Variants in CNTN3 observed in about 807,000 individuals in gnomAD.
CNTN3 encodes the protein contactin-3.
A neutral mutation model predicts 119.1 loss-of-function variants in CNTN3; 60 were observed. The ratio of observed to expected loss-of-function variants is 0.50; its 90% CI spans 0.41 to 0.62. The LOEUF (loss-of-function observed/expected upper bound fraction) is 0.62. Among genes scored for constraint, CNTN3 ranks in the 20% least tolerant of loss-of-function variants. The pLI, the probability that CNTN3 is intolerant of heterozygous loss-of-function variation, is 0.00. For synonymous variants in CNTN3, 450 were observed against 438.7 expected, an observed-to-expected ratio of 1.03 and a Z score of -0.32; for missense variants, 1,101 against 1,242.4, an observed-to-expected ratio of 0.89 and a Z score of 1.71.
chr3:74,329,134 T>C (rs1296031353), intron 13 of CNTN3, among the ~76,000 whole-genome samples: 1 of 152,198 alleles, frequency 6.6e-6, no homozygotes, highest in African/African-American at 2.4e-5. Flanking sequence ...TGGCCACTTG[T>C]ATTATCACAC....
intron 5 of CNTN3, among the ~76,000 whole-genome samples, chr3:74,374,116 T>G (rs750787249): frequency 6.6e-6 from 1 of 152,094 alleles, no homozygotes; most frequent in Non-Finnish European, 1.5e-5. Flanking sequence ...ACGGGCAATT[T>G]TGGCTCGGCA....
chr3:74,543,410 G>A (rs995110498), intron 1 of CNTN3, among the ~76,000 whole-genome samples: 15 of 152,024 alleles, frequency 9.9e-5, no homozygotes, highest in African/African-American at 3.6e-4. Context: ...GTGCTAGTTT[G>A]GATACTTATC....
intron 5 of CNTN3, among the ~76,000 whole-genome samples, chr3:74,421,834 C>A (rs1027568362): frequency 6.6e-6 from 1 of 152,106 alleles, no homozygotes; most frequent in Non-Finnish European, 1.5e-5. Context: ...CTGGCTCATA[C>A]CCTCTACTGA....
chr3:74,524,528 A>G (rs1703588048), intron 1 of CNTN3, among the ~76,000 whole-genome samples: 1 of 151,892 alleles, frequency 6.6e-6, no homozygotes, highest in Non-Finnish European at 1.5e-5. Context: ...GAGGAAGAAA[A>G]GAAGAGATGA....
intron 1 of CNTN3, among the ~76,000 whole-genome samples, chr3:74,586,700 T>C (rs144495963): frequency 1.3e-5 from 2 of 152,166 alleles, no homozygotes; most frequent in East Asian, 3.9e-4. Flanking sequence ...ATAAGGCACT[T>C]AGAAAGTACC....
intron 1 of CNTN3, among the ~76,000 whole-genome samples, chr3:74,588,593 T>C (rs1040175994): frequency 6.6e-6 from 1 of 151,964 alleles, no homozygotes; most frequent in Non-Finnish European, 1.5e-5. Flanking sequence ...TTCACAGAAT[T>C]GGAAAAAACT....
intron 4 of CNTN3, among the ~76,000 whole-genome samples, chr3:74,458,765 T>A (rs1315632898): frequency 6.6e-6 from 1 of 152,096 alleles, no homozygotes; most frequent in Non-Finnish European, 1.5e-5. Context: ...AGCTTGATTT[T>A]GTCACTGGTA....
At position 74,449,285 on chromosome 3, in the gene CNTN3, T is replaced by C. The variant is rs141552184; in HGVS notation, c.359-24345A>G. Among the ~76,000 whole-genome samples, 393 of 152,164 alleles carry C rather than the reference T, an allele frequency of 2.6e-3. 4 individuals carry two copies. The highest frequency in any genetic ancestry group is 9.1e-3 in the African/African-American group (379 of 41,556). On this transcript the variant is annotated intron_variant, in intron 4 of 22. Transcript: ENST00000263665. Reference sequence around the variant, plus strand: ...AGAAAAGAAATAAAAATTAAATTAATCATTTTTAGAGGAGGTTCTGAGTCT... The same window carrying C: ...AGAAAAGAAATAAAAATTAAATTAACCATTTTTAGAGGAGGTTCTGAGTCT...
chr3:74,421,406 G>A (rs2106890587), intron 5 of CNTN3, among the ~76,000 whole-genome samples: 1 of 152,212 alleles, frequency 6.6e-6, no homozygotes, highest in South Asian at 2.1e-4. Context: ...CTGAGCTCAA[G>A]CAATCTGCCT....
At chr3:74,545,831 A>G (rs1273298912) in intron 1 of CNTN3, among the ~76,000 whole-genome samples, 1 of 152,190 alleles carries the variant, frequency 6.6e-6, no homozygotes, top group Non-Finnish European at 1.5e-5. Flanking sequence ...CACAATGTCA[A>G]TATGGATGTC....
At position 74,369,299 on chromosome 3, in the gene CNTN3, C is replaced by CTGA; in HGVS notation, c.833_835dup (p.Phe278_Ser279insIle). ...GAAGTTGGGGATTTCAAGCACACCA[C>CTGA]TGAACTTCCTTAATTTAATTTTGCT... is the stretch of plus-strand genomic sequence containing the variant. On this transcript the variant is annotated inframe_insertion, in exon 8 of 23. Coordinates refer to ENST00000263665, the MANE Select transcript of CNTN3 (RefSeq NM_020872.3). 2 of 1,611,176 alleles carry CTGA rather than the reference C, an allele frequency of 1.2e-6. No homozygotes were observed. Among genetic ancestry groups the CTGA allele is most frequent in the Non-Finnish European group, 1.7e-6 (2 of 1,178,630 alleles).
chr3:74,335,282 C>G (rs1703363124), intron 12 of CNTN3, among the ~76,000 whole-genome samples: 1 of 152,060 alleles, frequency 6.6e-6, no homozygotes, highest in African/African-American at 2.4e-5. Context: ...CCAACTTTGA[C>G]TAGAAATTAC....
intron 1 of CNTN3, among the ~76,000 whole-genome samples, chr3:74,574,285 G>A (rs910986642): frequency 6.6e-6 from 1 of 152,158 alleles, no homozygotes; most frequent in Non-Finnish European, 1.5e-5. Context: ...GAAGAAGGCA[G>A]GGGGAGAAGA....
At chr3:74,534,938 G>T (rs995822552) in intron 1 of CNTN3, among the ~76,000 whole-genome samples, 2 of 151,888 alleles carry the variant, frequency 1.3e-5, no homozygotes, top group African/African-American at 2.4e-5. Flanking sequence ...ACATAAATTG[G>T]TTATAAGAAT....
At position 74,421,429 on chromosome 3, in the gene CNTN3, C is replaced by T. The variant is rs143501389; in HGVS notation, c.454+3416G>A. 4.5e-3 allele frequency among the ~76,000 whole-genome samples: 692 copies of T among 152,236 alleles called. 2 individuals carry two copies. The highest frequency in any genetic ancestry group is 0.015 in the African/African-American group (615 of 41,538). ...AAGCAATCTGCCTGCCTCGGCCTCC[C>T]AAAGTGCTGGATTACAGGCATGAGC... is the stretch of plus-strand genomic sequence containing the variant. On this transcript the variant is annotated intron_variant, in intron 5 of 22. Coordinates refer to ENST00000263665, the MANE Select transcript of CNTN3 (RefSeq NM_020872.3).
intron 5 of CNTN3, among the ~76,000 whole-genome samples, chr3:74,377,614 A>G (rs1704511132): frequency 6.6e-6 from 1 of 152,232 alleles, no homozygotes; most frequent in African/African-American, 2.4e-5. Flanking sequence ...TCACAAGCAC[A>G]TTATGCCAAA....
At chr3:74,340,236 T>G (rs978746606) in intron 11 of CNTN3, among the ~76,000 whole-genome samples, 14 of 152,110 alleles carry the variant, frequency 9.2e-5, no homozygotes, top group African/African-American at 3.4e-4. Flanking sequence ...AAGGAAATAC[T>G]ATGTACACAT....
At chr3:74,429,295 T>C (rs1040701370) in intron 4 of CNTN3, among the ~76,000 whole-genome samples, 1 of 152,014 alleles carries the variant, frequency 6.6e-6, no homozygotes, top group African/African-American at 2.4e-5. Context: ...TTGAGGCTTA[T>C]AATATAGCTA....
At chr3:74,502,688 C>T (rs1462979906) in intron 2 of CNTN3, among the ~76,000 whole-genome samples, 2 of 152,070 alleles carry the variant, frequency 1.3e-5, no homozygotes, top group Non-Finnish European at 2.9e-5. Context: ...CACATTTGTT[C>T]TCCTTGTGTT....
Sources: gnomAD v4.1 joint callset for allele counts (sites outside exome capture counted in the v4.1 genomes callset) on GRCh38, gnomAD v4.1.1 for gene constraint, MANE v1.5 for transcripts, NCBI Gene and HGNC (gene_info 2026-07-23, HGNC 2026-07-21) for gene names.